PTPRN2: variants seen among roughly 807,000 people sequenced by gnomAD.
PTPRN2 encodes protein tyrosine phosphatase receptor type N2, also known as receptor-type tyrosine-protein phosphatase N2.
In PTPRN2, 74 loss-of-function variants were observed where a neutral mutation model predicts 118.8. The ratio of observed to expected loss-of-function variants is 0.62; its 90% CI spans 0.52 to 0.76. PTPRN2 has a LOEUF of 0.76. PTPRN2 is among the 30% of genes least tolerant of loss of function. PTPRN2 has a pLI of 0.00. For synonymous variants in PTPRN2, 641 were observed against 608.0 expected (o/e 1.05, Z -0.80); for missense variants, 1,481 against 1,394.4 (o/e 1.06, Z -0.99).
chr7:158,449,161 C>G (rs1032001120), intron 2 of PTPRN2, among the ~76,000 whole-genome samples: 1 of 152,190 alleles, frequency 6.6e-6, no homozygotes, highest in Non-Finnish European at 1.5e-5. Flanking sequence ...ACACTGAAAA[C>G]AATCAAACGT....
Position 157,861,122 on chromosome 7 carries a change from T to C in PTPRN2, c.1788+37551A>G, listed in dbSNP as rs77210140. On this transcript the variant is annotated intron_variant, in intron 12 of 22. Coordinates refer to ENST00000389418, the MANE Select transcript of PTPRN2 (RefSeq NM_002847.5). The surrounding 1 kb of genome is among the most constrained non-coding windows in gnomAD (Gnocchi z 5.8). ...ATGTGGGACCCCAGCACGGGCGCTT[T>C]GGGATGTCGGCAGAGGCACGCATGC... Among the ~76,000 whole-genome samples, 9,102 of 152,238 alleles carry C rather than the reference T, an allele frequency of 0.06. 436 individuals carry two copies. Among genetic ancestry groups the C allele is most frequent in the African/African-American group, 0.12 (5,025 of 41,540 alleles).
chr7:157,907,652 C>T (rs1379511069), intron 11 of PTPRN2, among the ~76,000 whole-genome samples: 3 of 133,394 alleles, frequency 2.2e-5, no homozygotes, highest in Non-Finnish European at 3.2e-5. Flanking sequence ...CTGTCCCCTG[C>T]GTGTGGGGTG....
rs1471096984 is a variant in PTPRN2 at position 158,249,666 on chromosome 7, G to A, written c.278-44393C>T. 2.0e-5 allele frequency among the ~76,000 whole-genome samples: 3 copies of A among 152,216 alleles called. No individual in the cohort carries two copies. The East Asian group carries it at 5.8e-4, about 29-fold the overall frequency. On this transcript the variant is annotated intron_variant, in intron 3 of 22. Transcript: ENST00000389418. ...GTGACGTCTATGCAGCCAATAAAAT[G>A]TGGAAGAGGGGTTTCCTATGGTCAG...
In PTPRN2 at chr7:158,508,618, G is replaced by A. The variant is rs566052998; in HGVS notation, c.113-18833C>T. Among the ~76,000 whole-genome samples, 1,202 of 149,986 alleles carry A rather than the reference G, an allele frequency of 8.0e-3. 18 individuals carry two copies. The highest frequency in any genetic ancestry group is 0.028 in the African/African-American group (1,126 of 40,274). On this transcript the variant is annotated intron_variant, in intron 1 of 22. Coordinates refer to ENST00000389418, the MANE Select transcript of PTPRN2 (RefSeq NM_002847.5). ...TGTGGGTGTCGGGGCAACGTGGGACGCTCGGAGCAGGTGCGGAAGTGGCTC... is the reference window on the plus strand; with the variant it reads ...TGTGGGTGTCGGGGCAACGTGGGACACTCGGAGCAGGTGCGGAAGTGGCTC...
At position 157,808,210 on chromosome 7, in the gene PTPRN2, CGGTGAGT is replaced by C. The variant is rs1443217739; in HGVS notation, c.1788+90456_1788+90462del. On this transcript the variant is annotated intron_variant, in intron 12 of 22. Coordinates refer to ENST00000389418, the MANE Select transcript of PTPRN2 (RefSeq NM_002847.5). The surrounding 1 kb of genome is among the most constrained non-coding windows in gnomAD (Gnocchi z 5.0). ...GTGGGTGAGTGAGCTGTTGAGTGGCCGGTGAGTGGTGGGTGAGTGAGCAGGTGAGTGG... is the reference window on the plus strand; with the variant it reads ...GTGGGTGAGTGAGCTGTTGAGTGGCCGGTGGGTGAGTGAGCAGGTGAGTGG... 6.7e-6 allele frequency among the ~76,000 whole-genome samples: 1 copy of C among 148,406 alleles called. No individual in the cohort carries two copies. Among genetic ancestry groups the C allele is most frequent in the Non-Finnish European group, 1.5e-5 (1 of 67,594 alleles).
At chr7:158,144,864 T>A (rs961846782) in intron 6 of PTPRN2, among the ~76,000 whole-genome samples, 1 of 152,120 alleles carries the variant, frequency 6.6e-6, no homozygotes, top group Non-Finnish European at 1.5e-5. Context: ...CTTATTCCCC[T>A]CTCAAACCCA....
In PTPRN2 at chr7:157,868,659, A is replaced by G. The variant is rs573557914; in HGVS notation, c.1788+30014T>C. ...CTCTGAGCCCTCGAGATGAGGGGCT[A>G]TGCCTTCCCTTGCTCACTCCCTCCC... On this transcript the variant is annotated intron_variant, in intron 12 of 22. Coordinates refer to ENST00000389418, the MANE Select transcript of PTPRN2 (RefSeq NM_002847.5). The surrounding 1 kb of genome is among the most constrained non-coding windows in gnomAD (Gnocchi z 5.2). 4 of 152,320 alleles carry G rather than the reference A, an allele frequency of 2.6e-5. No individual in the cohort carries two copies. The highest frequency in any genetic ancestry group is 2.0e-4 in the Admixed American group (3 of 15,294). 9.4% of individuals were successfully genotyped at this position (152,320 alleles called of 1,614,324 possible).
rs1185765034 is a variant in PTPRN2 at position 157,590,502 on chromosome 7, T to C, written c.2496+4736A>G. Among the ~76,000 whole-genome samples the C allele has an allele frequency of 7.9e-5, 12 of 152,242 alleles. No homozygotes were observed. The highest frequency in any genetic ancestry group is 7.9e-4 in the Admixed American group (12 of 15,284). ...AAGTCAAATTTTGGAAATCAAATTC[T>C]TGAAATGCATCCAGTGTCCATATAG... On this transcript the variant is annotated intron_variant, in intron 17 of 22. Coordinates refer to ENST00000389418, the MANE Select transcript of PTPRN2 (RefSeq NM_002847.5). This position sits in a 1 kb window ranked among gnomAD's most constrained non-coding sequence, Gnocchi z 4.0.
At chr7:157,988,126 G>A (rs572097358) in intron 11 of PTPRN2, among the ~76,000 whole-genome samples, 2 of 152,304 alleles carry the variant, frequency 1.3e-5, no homozygotes, top group East Asian at 1.9e-4. Context: ...TGCCTTTCCC[G>A]AATTGTTTGT....
In PTPRN2 at chr7:157,910,229, C is replaced by T. The variant is rs111960254; in HGVS notation, c.1724-11492G>A. Among the ~76,000 whole-genome samples the T allele has an allele frequency of 1.3e-3, 190 of 151,110 alleles. 1 individual carries two copies. Among genetic ancestry groups the T allele is most frequent in the African/African-American group, 4.5e-3 (183 of 40,966 alleles). On this transcript the variant is annotated intron_variant, in intron 11 of 22. Transcript: ENST00000389418. The stretch of plus-strand genomic sequence containing the variant: ...GGATCACGCACGTACACCGTGGGAA[C>T]GGGCGCAGGATCACGCACGTACACC...
At chr7:157,894,938 C>G (rs1413178485) in intron 12 of PTPRN2, among the ~76,000 whole-genome samples, 1 of 152,174 alleles carries the variant, frequency 6.6e-6, no homozygotes, top group Admixed American at 6.5e-5. Context: ...GAGGGCAGAA[C>G]TTCTTATCCA....
At chr7:158,380,066 A>T (rs1260266860) in intron 2 of PTPRN2, among the ~76,000 whole-genome samples, 1 of 152,134 alleles carries the variant, frequency 6.6e-6, no homozygotes, top group Non-Finnish European at 1.5e-5. Context: ...CCCACAACAT[A>T]TGGGAATTAT....
At chr7:158,142,340 C>T (rs986431949) in intron 6 of PTPRN2, among the ~76,000 whole-genome samples, 1 of 152,354 alleles carries the variant, frequency 6.6e-6, no homozygotes. Context: ...CTGTCCCTGA[C>T]GACCCTGCCT....
At chr7:158,543,176 C>A (rs548619149) in intron 1 of PTPRN2, among the ~76,000 whole-genome samples, 1 of 152,310 alleles carries the variant, frequency 6.6e-6, no homozygotes, top group Admixed American at 6.5e-5. Flanking sequence ...AAACTGAGGC[C>A]CAAAGAAATG....
chr7:158,545,711 A>C (rs908196606), intron 1 of PTPRN2, among the ~76,000 whole-genome samples: 1 of 152,114 alleles, frequency 6.6e-6, no homozygotes, highest in Non-Finnish European at 1.5e-5. Flanking sequence ...TCAAAATTTC[A>C]AATCTTGCCA....
At chr7:157,725,873 G>A (rs1338803474) in intron 12 of PTPRN2, among the ~76,000 whole-genome samples, 380 of 101,232 alleles carry the variant, frequency 3.8e-3, no homozygotes, top group African/African-American at 5.5e-3. Context: ...ACACGCAGAG[G>A]AGTGAACCAG....
At chr7:157,679,301 T>C (rs567810954) in intron 13 of PTPRN2, among the ~76,000 whole-genome samples, 2 of 152,204 alleles carry the variant, frequency 1.3e-5, no homozygotes, top group East Asian at 3.9e-4. Flanking sequence ...GTTAAACAAA[T>C]GACCTTTAAG....
At chr7:157,658,365 G>A (rs915127686) in intron 13 of PTPRN2, among the ~76,000 whole-genome samples, 2 of 152,206 alleles carry the variant, frequency 1.3e-5, no homozygotes, top group African/African-American at 4.8e-5. Context: ...ACAGGGGAGG[G>A]AGAAAGGCCT....
intron 11 of PTPRN2, among the ~76,000 whole-genome samples, chr7:157,996,873 C>T (rs1267678725): frequency 6.6e-6 from 1 of 152,324 alleles, no homozygotes; most frequent in East Asian, 1.9e-4. Context: ...TTCCCCCACG[C>T]CAGGCCCTCA....
Sources: allele counts gnomAD v4.1 joint callset (sites outside exome capture counted in the v4.1 genomes callset), GRCh38; gene constraint gnomAD v4.1.1; non-coding constraint Gnocchi (gnomAD v3.1); transcripts MANE v1.5; gene names NCBI Gene and HGNC (gene_info 2026-07-23, HGNC 2026-07-21).